RBFOX1: variants seen among roughly 807,000 people sequenced by gnomAD.
The protein encoded by RBFOX1 is RNA binding protein fox-1 homolog 1.
A neutral mutation model predicts 57.7 loss-of-function variants in RBFOX1; 8 were observed. The observed-to-expected ratio is 0.14, with a 90% CI of 0.08 to 0.25. RBFOX1 has a LOEUF of 0.25. Among genes scored for constraint, RBFOX1 ranks in the 10% least tolerant of loss-of-function variants. The pLI, the probability that RBFOX1 is intolerant of heterozygous loss-of-function variation, is 1.00. For synonymous variants in RBFOX1, 326 were observed against 222.4 expected (o/e 1.47, Z -4.15); for missense variants, 611 against 548.5 (o/e 1.11, Z -1.14).
chr16:6,198,999 C>G (rs1472093423), intron 1 of RBFOX1, among the ~76,000 whole-genome samples: 1 of 151,726 alleles, frequency 6.6e-6, no homozygotes, highest in Non-Finnish European at 1.5e-5. Context: ...TTAAATCTCT[C>G]TGATAGAATA....
chr16:7,134,653 C>A (rs369867217), intron 4 of RBFOX1, among the ~76,000 whole-genome samples: 1 of 152,202 alleles, frequency 6.6e-6, no homozygotes, highest in Admixed American at 6.5e-5. Flanking sequence ...GAAAAGAATT[C>A]CGTCAGCTTT....
chr16:6,244,920 AGTTTT>A (rs55870313), intron 1 of RBFOX1, among the ~76,000 whole-genome samples: 2,703 of 150,178 alleles, frequency 0.018, 79 homozygotes, highest in African/African-American at 0.055. Flanking sequence ...CTGAATACCC[AGTTTT>A]GTTTTGTTTT....
intron 3 of RBFOX1, among the ~76,000 whole-genome samples, chr16:5,628,347 G>A (rs1334894722): frequency 6.6e-6 from 1 of 151,746 alleles, no homozygotes; most frequent in Non-Finnish European, 1.5e-5. Context: ...CTTTTTTATT[G>A]CTTCTTTTTA....
At chr16:7,227,745 C>T (rs1019546682) in intron 4 of RBFOX1, among the ~76,000 whole-genome samples, 7 of 152,184 alleles carry the variant, frequency 4.6e-5, no homozygotes, top group Admixed American at 4.6e-4. Flanking sequence ...CAGCACCTGG[C>T]CTAGGCACCC....
downstream of RBFOX1, among the ~76,000 whole-genome samples, chr16:5,603,297 GAGTA>G (rs1374124382): frequency 6.6e-6 from 1 of 152,212 alleles, no homozygotes; most frequent in Non-Finnish European, 1.5e-5. Context: ...TCTCTACCCA[GAGTA>G]GTCCAAGGAG....
At chr16:7,166,882 C>T (rs994043682) in intron 4 of RBFOX1, among the ~76,000 whole-genome samples, 2 of 150,284 alleles carry the variant, frequency 1.3e-5, no homozygotes, top group Admixed American at 1.3e-4. Context: ...ACTGCACAGA[C>T]ACAGCCACCA....
At chr16:5,900,193 A>G (rs577796596) in intron 4 of RBFOX1, among the ~76,000 whole-genome samples, 4 of 152,118 alleles carry the variant, frequency 2.6e-5, no homozygotes, top group African/African-American at 9.7e-5. Context: ...TACACTCCAA[A>G]TGTCATGGGT....
At chr16:5,412,804 C>T (rs2067057193) in intron 1 of RBFOX1, among the ~76,000 whole-genome samples, 1 of 152,254 alleles carries the variant, frequency 6.6e-6, no homozygotes, top group Non-Finnish European at 1.5e-5. Context: ...CACACATATC[C>T]ACCAAGCCTG....
intron 4 of RBFOX1, among the ~76,000 whole-genome samples, chr16:7,168,274 TTTC>T (rs1357620712): frequency 3.3e-5 from 5 of 152,040 alleles, no homozygotes; most frequent in Non-Finnish European, 5.9e-5. Flanking sequence ...CTGAGTGGGT[TTTC>T]TTCTTCTCAG....
intron 3 of RBFOX1, chr16:6,873,755 A>C (rs896213954): frequency 1.3e-5 from 2 of 152,158 alleles, no homozygotes; most frequent in Non-Finnish European, 2.9e-5. Flanking sequence ...CAGATCCACA[A>C]GTGTTATCTT....
rs150014987 is a variant in RBFOX1 at position 6,506,536 on chromosome 16, G to C, written c.-63-148067G>C. 4.5e-3 allele frequency among the ~76,000 whole-genome samples: 685 copies of C among 151,452 alleles called. 6 individuals are homozygous for C. The highest frequency in any genetic ancestry group is 0.016 in the African/African-American group (659 of 41,086). ...TTAAGTGGGGACCATTTATAAACTT[G>C]GGACATCTATGGACCCACAGTGTAG... On this transcript the variant is annotated intron_variant, in intron 2 of 15. Transcript: ENST00000550418.
intron 4 of RBFOX1, among the ~76,000 whole-genome samples, chr16:7,382,300 A>T (rs1256609790): frequency 6.6e-6 from 1 of 152,242 alleles, no homozygotes. Flanking sequence ...CATAAATTAT[A>T]TCATACTTAA....
intron 4 of RBFOX1, among the ~76,000 whole-genome samples, chr16:7,278,475 A>G (rs2095482556): frequency 6.6e-6 from 1 of 152,212 alleles, no homozygotes; most frequent in African/African-American, 2.4e-5. Flanking sequence ...ATTTACTTTC[A>G]TCATACAGAT....
intron 2 of RBFOX1, among the ~76,000 whole-genome samples, chr16:6,432,887 A>G (rs2094138023): frequency 6.6e-6 from 1 of 152,170 alleles, no homozygotes; most frequent in Non-Finnish European, 1.5e-5. Context: ...CTGAGGCAGG[A>G]GAATTGCTTG....
At chr16:5,244,417 C>G (rs1045052411) in intron 1 of RBFOX1, among the ~76,000 whole-genome samples, 2 of 152,178 alleles carry the variant, frequency 1.3e-5, no homozygotes, top group Non-Finnish European at 2.9e-5. Flanking sequence ...GTCCAGGATT[C>G]CAGGAGGCAG....
rs975948475 is a variant in RBFOX1, at chr16:5,946,030, G to A, written c.351+78695G>A. 6.6e-6 allele frequency among the ~76,000 whole-genome samples: 1 copy of A among 152,182 alleles called. No homozygotes were observed. Among genetic ancestry groups the A allele is most frequent in the East Asian group, 1.9e-4 (1 of 5,192 alleles). On this transcript the variant is annotated intron_variant, in intron 4 of 19. Transcript: ENST00000641259. This position sits in a 1 kb window ranked among gnomAD's most constrained non-coding sequence, Gnocchi z 4.6. ...CCACATTGGGTTTAAAAAGAGAAAA[G>A]AAGTCTGCTTTGTTTGCTAGTAAAG...
At chr16:6,090,703 G>A (rs1298250560) in intron 1 of RBFOX1, among the ~76,000 whole-genome samples, 1 of 152,140 alleles carries the variant, frequency 6.6e-6, no homozygotes, top group Non-Finnish European at 1.5e-5. Context: ...TTGACAACCT[G>A]CCATCTCTAA....
At chr16:6,532,202 C>T (rs1325296470) in intron 2 of RBFOX1, among the ~76,000 whole-genome samples, 2 of 152,134 alleles carry the variant, frequency 1.3e-5, no homozygotes, top group Non-Finnish European at 2.9e-5. Context: ...CTTTATCTTC[C>T]AGAGTGGGAA....
chr16:5,564,077 G>C (rs984951309), intron 2 of RBFOX1, among the ~76,000 whole-genome samples: 1 of 151,878 alleles, frequency 6.6e-6, no homozygotes, highest in Non-Finnish European at 1.5e-5. Context: ...GCAGTGGTGC[G>C]ATCTCAGCTC....
Sources: gnomAD v4.1 joint callset for allele counts (sites outside exome capture counted in the v4.1 genomes callset) on GRCh38, gnomAD v4.1.1 for gene constraint, Gnocchi (gnomAD v3.1) non-coding constraint, MANE v1.5 for transcripts, NCBI Gene and HGNC (gene_info 2026-07-23, HGNC 2026-07-21) for gene names.